The following ZBTB20 variants were observed in gnomAD, a reference collection of about 807,000 sequenced individuals.
The protein encoded by ZBTB20 is zinc finger and BTB domain containing 20.
Under a neutral mutation model 56.9 loss-of-function variants are expected in ZBTB20, and 9 were observed. That is an observed-to-expected ratio of 0.16 (90% CI 0.10 to 0.28). The LOEUF (loss-of-function observed/expected upper bound fraction) is 0.28, where lower values mean the gene tolerates loss of function less well. Among genes scored for constraint, ZBTB20 ranks in the 10% least tolerant of loss-of-function variants. The pLI is 1.00. For missense variants in ZBTB20, 655 were observed against 1,003.0 expected, an observed-to-expected ratio of 0.65 and a Z score of 4.69; for synonymous variants, 417 against 420.7, an observed-to-expected ratio of 0.99 and a Z score of 0.11.
chr3:114,534,322 A>T (rs1018162442), intron 6 of ZBTB20, among the ~76,000 whole-genome samples: 2 of 152,156 alleles, frequency 1.3e-5, no homozygotes, highest in African/African-American at 4.8e-5. Context: ...GCAAAAAAAA[A>T]TGCAGGGGTT....
intron 7 of ZBTB20, among the ~76,000 whole-genome samples, chr3:114,428,084 A>T (rs1178824975): frequency 6.6e-6 from 1 of 152,202 alleles, no homozygotes; most frequent in Non-Finnish European, 1.5e-5. Flanking sequence ...AAAGAGAACA[A>T]GATAATCCAA....
Position 114,944,792 on chromosome 3 carries a change from G to A in ZBTB20, c.-456+29574C>T, listed in dbSNP as rs1322771090. ...AATCCAAAAAGGCCATAGATACAGG[G>A]AGTAAAATGGTGGTTACTAGAGGCT... On this transcript the variant is annotated intron_variant, in intron 3 of 11. Coordinates refer to ENST00000675478, the MANE Select transcript of ZBTB20 (RefSeq NM_001348800.3). Among the ~76,000 whole-genome samples, 6 of 145,392 alleles carry A rather than the reference G, an allele frequency of 4.1e-5. 1 individual carries two copies. Among genetic ancestry groups the A allele is most frequent in the African/African-American group, 1.7e-4 (6 of 35,594 alleles).
At chr3:114,576,270 C>G (rs553738222) in intron 6 of ZBTB20, among the ~76,000 whole-genome samples, 8 of 151,718 alleles carry the variant, frequency 5.3e-5, no homozygotes, top group Non-Finnish European at 1.2e-4. Flanking sequence ...GAGGCCAAGG[C>G]GGGCAGATCA....
At chr3:114,504,033 G>C (rs2044305231) in intron 6 of ZBTB20, among the ~76,000 whole-genome samples, 1 of 152,050 alleles carries the variant, frequency 6.6e-6, no homozygotes, top group East Asian at 1.9e-4. Flanking sequence ...TAGGCAGACA[G>C]GGGAGAAAAA....
At chr3:114,824,877 G>C (rs2073442786) in intron 4 of ZBTB20, among the ~76,000 whole-genome samples, 2 of 151,932 alleles carry the variant, frequency 1.3e-5, no homozygotes, top group South Asian at 4.1e-4. Flanking sequence ...AAAATATTTT[G>C]CAGAAAAGTT....
At chr3:115,143,242 T>C (rs2084868784) in intron 1 of ZBTB20, among the ~76,000 whole-genome samples, 3 of 152,224 alleles carry the variant, frequency 2.0e-5, no homozygotes, top group Non-Finnish European at 4.4e-5. Context: ...AATAAGTCTA[T>C]TAAAGCAGAA....
intron 6 of ZBTB20, among the ~76,000 whole-genome samples, chr3:114,608,403 C>T (rs2057322937): frequency 6.6e-6 from 1 of 152,082 alleles, no homozygotes; most frequent in Non-Finnish European, 1.5e-5. Flanking sequence ...TTCTTATTCT[C>T]TAGGTTTATG....
intron 7 of ZBTB20, among the ~76,000 whole-genome samples, chr3:114,430,598 G>A (rs150851224): frequency 2.0e-5 from 3 of 152,120 alleles, no homozygotes; most frequent in Admixed American, 2.0e-4. Flanking sequence ...ACTAACATTT[G>A]GATCCACCAT....
rs867672208 is a variant in ZBTB20, at chr3:114,618,734, T to G, written c.-295+74794A>C. ...TGAAATAGATGAGTCCCAGAAAGGT[T>G]AGGAGCCAAAATTAAAGCTACTATA... On this transcript the variant is annotated intron_variant, in intron 6 of 11. Transcript: ENST00000675478. Among the ~76,000 whole-genome samples the G allele has an allele frequency of 3.9e-5, 6 of 152,304 alleles. 2 individuals are homozygous for G. In the South Asian group the frequency reaches 1.2e-3, roughly 32 times the overall value.
intron 5 of ZBTB20, among the ~76,000 whole-genome samples, chr3:114,785,388 C>T (rs993761751): frequency 1.3e-5 from 2 of 151,974 alleles, no homozygotes; most frequent in African/African-American, 4.8e-5. Flanking sequence ...TCTCTTTGTA[C>T]GTCTAATGTG....
At chr3:115,116,807 G>C (rs1267915541) in intron 1 of ZBTB20, among the ~76,000 whole-genome samples, 4 of 152,042 alleles carry the variant, frequency 2.6e-5, no homozygotes, top group African/African-American at 9.7e-5. Flanking sequence ...GGCAAATAAA[G>C]TTGGTTGTTT....
chr3:114,481,328 G>C (rs2041518846), intron 7 of ZBTB20, among the ~76,000 whole-genome samples: 1 of 151,136 alleles, frequency 6.6e-6, no homozygotes, highest in African/African-American at 2.4e-5. Flanking sequence ...TTGAAACTCA[G>C]GTCACACGCA....
intron 1 of ZBTB20, among the ~76,000 whole-genome samples, chr3:115,108,701 A>C (rs2083792566): frequency 6.6e-6 from 1 of 152,220 alleles, no homozygotes; most frequent in Non-Finnish European, 1.5e-5. Context: ...TAATCACGGC[A>C]GTTTCCTAAT....
intron 3 of ZBTB20, among the ~76,000 whole-genome samples, chr3:114,953,927 G>GT (rs1005094975): frequency 6.6e-6 from 1 of 152,048 alleles, no homozygotes; most frequent in African/African-American, 2.4e-5. Flanking sequence ...CATGAGTAAG[G>GT]TTTTTTGATA....
intron 5 of ZBTB20, among the ~76,000 whole-genome samples, chr3:114,790,542 G>A (rs1231314997): frequency 1.3e-5 from 2 of 151,202 alleles, no homozygotes; most frequent in African/African-American, 2.5e-5. Flanking sequence ...TGAATCATCT[G>A]TCCATATCAT....
intron 4 of ZBTB20, among the ~76,000 whole-genome samples, chr3:114,855,539 T>A (rs1175097639): frequency 2.0e-5 from 3 of 152,176 alleles, no homozygotes; most frequent in Non-Finnish European, 4.4e-5. Context: ...TCCGAGTGAT[T>A]CCTGGAACTT....
intron 1 of ZBTB20, among the ~76,000 whole-genome samples, chr3:115,105,833 T>C (rs1239593119): frequency 1.3e-5 from 2 of 152,208 alleles, no homozygotes; most frequent in Admixed American, 1.3e-4. Flanking sequence ...TGTTTGTTTG[T>C]TTGTTTTTTG....
intron 3 of ZBTB20, among the ~76,000 whole-genome samples, chr3:114,932,294 C>T (rs759140645): frequency 2.6e-5 from 4 of 152,208 alleles, no homozygotes; most frequent in Non-Finnish European, 5.9e-5. Flanking sequence ...AATGGTGAGC[C>T]TCACTAAGGT....
At chr3:115,125,440 C>G (rs1186181275) in intron 1 of ZBTB20, among the ~76,000 whole-genome samples, 1 of 151,858 alleles carries the variant, frequency 6.6e-6, no homozygotes, top group Admixed American at 6.6e-5. Flanking sequence ...CATCAATGAA[C>G]CTGAAAGACA....
Sources: allele counts gnomAD v4.1 joint callset (sites outside exome capture counted in the v4.1 genomes callset), GRCh38; gene constraint gnomAD v4.1.1; transcripts MANE v1.5; gene names NCBI Gene and HGNC (gene_info 2026-07-23, HGNC 2026-07-21).